Variants in DUS2 observed in about 807,000 individuals in gnomAD.
DUS2 encodes tRNA-dihydrouridine(20) synthase [NAD(P)+]-like.
A neutral mutation model predicts 71.3 loss-of-function variants in DUS2; 52 were observed. The observed-to-expected ratio is 0.73, with a 90% CI of 0.58 to 0.92. The LOEUF is 0.92. Among genes scored for constraint, DUS2 ranks in the 40% least tolerant of loss-of-function variants. DUS2 has a pLI of 0.00. For synonymous variants in DUS2, 204 were observed against 227.8 expected (o/e 0.90, Z 0.94); for missense variants, 558 against 622.6 (o/e 0.90, Z 1.10).
intron 5 of DUS2, chr16:68,053,856 A>G (rs936304826): frequency 9.3e-5 from 53 of 572,000 alleles, no homozygotes; most frequent in Non-Finnish European, 4.4e-5. Context: ...AAATCAAGCT[A>G]TCACAGTCTT....
chr16:68,070,468 G>C (rs1365801107), intron 11 of DUS2, among the ~76,000 whole-genome samples: 2 of 152,204 alleles, frequency 1.3e-5, no homozygotes, highest in African/African-American at 4.8e-5. Flanking sequence ...GGGGTCCTTG[G>C]AGCAGCAGGC....
chr16:68,030,012 C>T (rs953636994), intron 2 of DUS2, among the ~76,000 whole-genome samples: 17 of 150,790 alleles, frequency 1.1e-4, no homozygotes, highest in African/African-American at 4.1e-4. Context: ...TCCCAAAGTG[C>T]TGGGATTACA....
At chr16:68,028,507 T>C (rs2033390117) in intron 2 of DUS2, among the ~76,000 whole-genome samples, 1 of 151,558 alleles carries the variant, frequency 6.6e-6, no homozygotes, top group Admixed American at 6.6e-5. Context: ...GGCGTGGTGG[T>C]GGGCACCTGT....
At chr16:68,071,234 A>C (rs2034082677) in intron 12 of DUS2, 126 bp downstream of exon 12, 3 of 1,023,734 alleles carry the variant, frequency 2.9e-6, no homozygotes, top group Non-Finnish European at 2.9e-6. Context: ...TTTTTAGCTC[A>C]TGTAGTGTAG....
At chr16:68,034,882 G>C (rs1433659790) in intron 2 of DUS2, among the ~76,000 whole-genome samples, 1 of 152,102 alleles carries the variant, frequency 6.6e-6, no homozygotes, top group East Asian at 1.9e-4. Context: ...TGTAGTGCCA[G>C]CTACTCTACT....
chr16:68,066,422 G>A lies in DUS2; in HGVS notation c.483+40G>A, dbSNP rs911882716. 4.4e-6 allele frequency: 7 copies of A among 1,605,110 alleles called. No individual in the cohort carries two copies. The South Asian group carries it at 6.6e-5, about 15-fold the overall frequency. ...TTACATATGAAGGTCCATTCTCTCT[G>A]GTGATGTTGGATTTAGGTTTGTGAA... On this transcript the variant is annotated intron_variant, in intron 9 of 16. Transcript: ENST00000565263.
chr16:68,049,964 A>T (rs1434053704), intron 4 of DUS2, among the ~76,000 whole-genome samples: 1 of 152,148 alleles, frequency 6.6e-6, no homozygotes, highest in Non-Finnish European at 1.5e-5. Context: ...ATAGGGTTGG[A>T]GTGAGGACCA....
intron 8 of DUS2, among the ~76,000 whole-genome samples, chr16:68,064,619 T>C (rs2033981158): frequency 6.6e-6 from 1 of 152,202 alleles, no homozygotes; most frequent in Non-Finnish European, 1.5e-5. Context: ...TTTATTGTAT[T>C]TCTTGATGAA....
intron 12 of DUS2, among the ~76,000 whole-genome samples, chr16:68,073,323 A>G (rs973426682): frequency 1.3e-5 from 2 of 151,770 alleles, no homozygotes; most frequent in Non-Finnish European, 2.9e-5. Flanking sequence ...CCCAGGCTGG[A>G]GTGCAGTGGC....
At chr16:68,065,543 A>T (rs1409948922) in intron 8 of DUS2, among the ~76,000 whole-genome samples, 1 of 152,000 alleles carries the variant, frequency 6.6e-6, no homozygotes, top group Non-Finnish European at 1.5e-5. Flanking sequence ...AAGTGGGAGG[A>T]TGGCTTGAGC....
At chr16:68,076,008 C>A (rs1261056315) in intron 14 of DUS2, among the ~76,000 whole-genome samples, 3 of 152,168 alleles carry the variant, frequency 2.0e-5, no homozygotes, top group African/African-American at 7.2e-5. Flanking sequence ...CAGGACCAGA[C>A]AGGAGCCAGT....
Position 68,070,186 on chromosome 16 carries a change from A to C in DUS2, c.607A>C (p.Ile203Leu). 6.2e-7 allele frequency: 1 copy of C among 1,614,172 alleles called. No individual in the cohort carries two copies. Among genetic ancestry groups the C allele is most frequent in the Non-Finnish European group, 8.5e-7 (1 of 1,180,004 alleles). Residue 203 changes from isoleucine to leucine, a missense_variant, in exon 11 of 17, where the codon ATT becomes CTT. Transcript: ENST00000565263. ...TGTCAGCTGTGAAGTCATCAAAGCC[A>C]TTGCTGATACCCTCTCCATTCCTGT... ...HPVSCEVIKA[I>L]ADTLSIPVIA...
In DUS2 at chr16:68,071,069, G is replaced by A; in HGVS notation, c.771G>A (p.Leu257=). ...WNPSIFLKEG[L]RPLEEVMQKY... ...CATCTATCTTCCTCAAGGAGGGTCT[G>A]CGGCCCCTGGAGGAGGTCATGCAGA... Residue 257 remains leucine, a synonymous_variant, in exon 12 of 17, where the codon CTG becomes CTA. Coordinates refer to ENST00000565263, the MANE Select transcript of DUS2 (RefSeq NM_017803.5). The A allele has an allele frequency of 6.2e-7, 1 of 1,614,234 alleles. No homozygotes were observed. The highest frequency in any genetic ancestry group is 8.5e-7 in the Non-Finnish European group (1 of 1,180,052).
At chr16:68,035,538 A>G (rs1315966209) in intron 2 of DUS2, among the ~76,000 whole-genome samples, 3 of 151,300 alleles carry the variant, frequency 2.0e-5, no homozygotes, top group Admixed American at 1.3e-4. Context: ...ATATGCCACC[A>G]TGCCTGGGTA....
intron 4 of DUS2, among the ~76,000 whole-genome samples, chr16:68,051,875 G>T (rs2033783397): frequency 6.6e-6 from 1 of 152,096 alleles, no homozygotes; most frequent in South Asian, 2.1e-4. Flanking sequence ...CATTTCAGCA[G>T]TATGGTTGGG....
chr16:68,063,420 A>G (rs1331934291), intron 8 of DUS2, among the ~76,000 whole-genome samples: 9 of 152,332 alleles, frequency 5.9e-5, no homozygotes, highest in Non-Finnish European at 1.3e-4. Flanking sequence ...AAATTTTCTC[A>G]AGATTCTTGT....
At chr16:68,024,681 C>T (rs893570652) in intron 1 of DUS2, among the ~76,000 whole-genome samples, 3 of 152,088 alleles carry the variant, frequency 2.0e-5, no homozygotes, top group African/African-American at 7.2e-5. Context: ...GGAAGAGAGG[C>T]TTTTTTTCTC....
intron 4 of DUS2, among the ~76,000 whole-genome samples, chr16:68,052,007 T>C (rs1248667170): frequency 6.6e-6 from 1 of 152,156 alleles, no homozygotes; most frequent in African/African-American, 2.4e-5. Flanking sequence ...CAAGAGATTC[T>C]TGTGCCTCAG....
At chr16:68,037,130 A>AG (rs1028507490) in intron 2 of DUS2, among the ~76,000 whole-genome samples, 2 of 152,040 alleles carry the variant, frequency 1.3e-5, no homozygotes, top group Non-Finnish European at 2.9e-5. Flanking sequence ...AGTAAAAAAA[A>AG]AATGATTGAA....
Sources: gnomAD v4.1 joint callset for allele counts (sites outside exome capture counted in the v4.1 genomes callset) on GRCh38, gnomAD v4.1.1 for gene constraint, MANE v1.5 for transcripts, NCBI Gene and HGNC (gene_info 2026-07-23, HGNC 2026-07-21) for gene names.